The following ZNF558 variants were observed in gnomAD, a reference collection of about 807,000 sequenced individuals.
The protein encoded by ZNF558 is zinc finger protein 558.
In ZNF558, 23 loss-of-function variants were observed where a neutral mutation model predicts 37.6. The observed-to-expected ratio is 0.61, with a 90% confidence interval of 0.44 to 0.87. The LOEUF (loss-of-function observed/expected upper bound fraction) is 0.87. ZNF558 is among the 40% of genes least tolerant of loss of function. The pLI, the probability that ZNF558 is intolerant of heterozygous loss-of-function variation, is 0.00. For missense variants in ZNF558, 429 were observed against 483.7 expected (o/e 0.89, Z 1.06); for synonymous variants, 189 against 174.4 (o/e 1.08, Z -0.66).
chr19:8,811,124 G>T lies in ZNF558; in HGVS notation c.*157C>A. 1.5e-6 allele frequency: 1 copy of T among 650,794 alleles called. No homozygotes were observed. Among genetic ancestry groups the T allele is most frequent in the Non-Finnish European group, 2.5e-6 (1 of 393,138 alleles). 40.3% of individuals were successfully genotyped at this position (650,794 alleles called of 1,614,324 possible). A position where few individuals can be genotyped will look rare whatever the true frequency, so the allele number is the denominator to read the frequency against. ...CTTGAATTCCTGATCTGTAGAAATT[G>T]TTAGAGAATAAACATTTCGTGTTTG... is the stretch of plus-strand genomic sequence containing the variant. On this transcript the variant is annotated 3_prime_UTR_variant, in exon 10 of 10. Coordinates refer to ENST00000601372, the MANE Select transcript of ZNF558 (RefSeq NM_144693.3).
chr19:8,821,995 T>G lies in ZNF558; in HGVS notation c.120+8A>C. ...ATAATGATTTGGGAAAAGGAACATC[T>G]GACTCACCCGTAGCCAGCTTGTCAG... On this transcript the variant is annotated splice_region_variant and intron_variant, in intron 6 of 9. Transcript: ENST00000601372. The G allele has an allele frequency of 6.2e-7, 1 of 1,613,904 alleles. No individual in the cohort carries two copies. The highest frequency in any genetic ancestry group is 8.5e-7 in the Non-Finnish European group (1 of 1,179,850).
chr19:8,834,452 A>G (rs140910962), upstream of ZNF558, among the ~76,000 whole-genome samples: 1,142 of 152,130 alleles, frequency 7.5e-3, 10 homozygotes, highest in African/African-American at 0.026. Context: ...TACTAAAAAT[A>G]CCAAAATTAG....
chr19:8,827,656 C>G (rs1184409374), intron 2 of ZNF558, among the ~76,000 whole-genome samples: 2 of 146,938 alleles, frequency 1.4e-5, no homozygotes, highest in Non-Finnish European at 3.0e-5. Context: ...TCACTGCAAC[C>G]TCAGCCTCCC....
chr19:8,836,676 G>T (rs1359532294), upstream of ZNF558, among the ~76,000 whole-genome samples: 2 of 152,056 alleles, frequency 1.3e-5, no homozygotes, highest in African/African-American at 4.8e-5. Flanking sequence ...ATTTTTTATA[G>T]AGACAGGGAC....
chr19:8,813,246 G>T, intron 7 of ZNF558, 24 bp from the exon 8 acceptor site: 1 of 1,548,016 alleles, frequency 6.5e-7, no homozygotes, highest in Non-Finnish European at 8.8e-7. Flanking sequence ...CAATACACAT[G>T]ATATAGGTAA....
At chr19:8,833,963 C>T (rs950835514), upstream of ZNF558, among the ~76,000 whole-genome samples, 3 of 151,518 alleles carry the variant, frequency 2.0e-5, no homozygotes, top group African/African-American at 4.9e-5. Context: ...CACTCCAGCC[C>T]GGGTGACGAG....
upstream of ZNF558, among the ~76,000 whole-genome samples, chr19:8,833,861 C>CT (rs1316067197): frequency 1.3e-5 from 2 of 151,826 alleles, no homozygotes; most frequent in African/African-American, 4.9e-5. Context: ...GTGGCGGATG[C>CT]CTTGTAATCC....
chr19:8,826,224 A>T (rs1057220115), intron 2 of ZNF558, among the ~76,000 whole-genome samples: 1 of 152,022 alleles, frequency 6.6e-6, no homozygotes, highest in Admixed American at 6.6e-5. Flanking sequence ...CGTGGAAGAC[A>T]ATTTTTCCAT....
Position 8,810,642 on chromosome 19 carries a change from A to C in ZNF558, c.*639T>G, listed in dbSNP as rs2043761885. 1 of 152,396 alleles carries C rather than the reference A, an allele frequency of 6.6e-6. No individual in the cohort carries two copies. The highest frequency in any genetic ancestry group is 2.4e-5 in the African/African-American group (1 of 41,592). The allele number at this position is 152,396 out of a possible 1,614,324, so 9.4% of individuals were successfully genotyped here. The stretch of plus-strand genomic sequence containing the variant: ...ATTAGAGTAGAAGGATGATGTGCTG[A>C]GGGCTTTTCTTCATTAATTCCATGG... On this transcript the variant is annotated 3_prime_UTR_variant, in exon 10 of 10. Coordinates refer to ENST00000601372, the MANE Select transcript of ZNF558 (RefSeq NM_144693.3).
Position 8,827,699 on chromosome 19 carries a change from G to A in ZNF558, c.-508-2591C>T, listed in dbSNP as rs1029201648. On this transcript the variant is annotated intron_variant, in intron 2 of 9. Coordinates refer to ENST00000601372, the MANE Select transcript of ZNF558 (RefSeq NM_144693.3). ...AGCAATTCTCTTGTCTCAGCCTCCC[G>A]AGCAGCTGGGACTACAGGTGTGCAC... 6.1e-5 allele frequency among the ~76,000 whole-genome samples: 9 copies of A among 147,048 alleles called. No individual in the cohort carries two copies. The East Asian group carries it at 6.4e-4, about 10-fold the overall frequency.
chr19:8,815,328 A>G (rs1023236795), intron 7 of ZNF558, among the ~76,000 whole-genome samples: 33 of 152,228 alleles, frequency 2.2e-4, no homozygotes, highest in African/African-American at 8.0e-4. Context: ...CAAAAAATGG[A>G]AAACATTAAG....
chr19:8,810,510 C>T lies in ZNF558; in HGVS notation c.*771G>A, dbSNP rs553283104. The T allele has an allele frequency of 2.6e-5, 4 of 152,300 alleles. No homozygotes were observed. In the South Asian group the frequency reaches 6.2e-4, roughly 24 times the overall value. 9.4% of individuals were successfully genotyped at this position (152,300 alleles called of 1,614,324 possible). A position where few individuals can be genotyped will look rare whatever the true frequency, so the allele number is the denominator to read the frequency against. Reference sequence around the variant, plus strand: ...TTCTCTCAGTACATAATCTTCTGGGCCCATGAAGGTGAGAATTCGAGCTGA... The same window carrying T: ...TTCTCTCAGTACATAATCTTCTGGGTCCATGAAGGTGAGAATTCGAGCTGA... On this transcript the variant is annotated 3_prime_UTR_variant, in exon 10 of 10. Coordinates refer to ENST00000601372, the MANE Select transcript of ZNF558 (RefSeq NM_144693.3).
upstream of ZNF558, among the ~76,000 whole-genome samples, chr19:8,833,804 A>G (rs1386352732): frequency 1.3e-5 from 2 of 152,182 alleles, no homozygotes; most frequent in East Asian, 1.9e-4. Context: ...GCCTGCCAAC[A>G]TGGTGAAACC....
rs2880020 is a variant in ZNF558 at position 8,821,420 on chromosome 19, G to A, written c.121-114C>T. 133 of 1,593,918 alleles carry A rather than the reference G, an allele frequency of 8.3e-5. 1 individual carries two copies. In the South Asian group the frequency reaches 1.3e-3, roughly 16 times the overall value. ...GGGGAAACCTGAGCACGAGATGTTG[G>A]GGGGGGTGGTTCTGAGCTCACCTCC... On this transcript the variant is annotated intron_variant, in intron 6 of 9. Coordinates refer to ENST00000601372, the MANE Select transcript of ZNF558 (RefSeq NM_144693.3).
chr19:8,821,953 A>G (rs1311039656), intron 6 of ZNF558, 50 bp downstream of exon 6: 2 of 1,609,826 alleles, frequency 1.2e-6, no homozygotes, highest in Non-Finnish European at 1.7e-6. Context: ...ATCAAGTCCA[A>G]CCTTCTGGCC....
chr19:8,823,205 C>A (rs1198716265), intron 4 of ZNF558, among the ~76,000 whole-genome samples: 1 of 152,038 alleles, frequency 6.6e-6, no homozygotes, highest in Non-Finnish European at 1.5e-5. Flanking sequence ...CATCACCGGG[C>A]ACTGTCCCAC....
intron 7 of ZNF558, among the ~76,000 whole-genome samples, chr19:8,818,336 G>A (rs1003529355): frequency 7.2e-5 from 11 of 151,928 alleles, no homozygotes; most frequent in African/African-American, 2.2e-4. Context: ...CCTGTAGTCC[G>A]AGCTACTCGG....
intron 2 of ZNF558, among the ~76,000 whole-genome samples, chr19:8,830,077 T>A (rs138492386): frequency 6.6e-6 from 1 of 152,140 alleles, no homozygotes; most frequent in East Asian, 1.9e-4. Flanking sequence ...GGGGGCGGAC[T>A]TCCCCCTTGC....
intron 3 of ZNF558, among the ~76,000 whole-genome samples, 154 bp from the exon 4 acceptor site, chr19:8,824,571 A>G (rs889885126): frequency 2.6e-5 from 4 of 152,168 alleles, no homozygotes; most frequent in Non-Finnish European, 4.4e-5. Flanking sequence ...ATGAGGAGGA[A>G]TCTACTTTCC....
Sources: allele counts gnomAD v4.1 joint callset (sites outside exome capture counted in the v4.1 genomes callset), GRCh38; gene constraint gnomAD v4.1.1; transcripts MANE v1.5; gene names NCBI Gene and HGNC (gene_info 2026-07-23, HGNC 2026-07-21).